The following STEAP2 variants were observed in gnomAD, a reference collection of about 807,000 sequenced individuals.
The protein encoded by STEAP2 is STEAP2 metalloreductase.
A neutral mutation model predicts 46.4 loss-of-function variants in STEAP2; 30 were observed. That is an observed-to-expected ratio of 0.65 (90% confidence interval 0.48 to 0.88). The LOEUF (loss-of-function observed/expected upper bound fraction) is 0.88. Ranked by LOEUF, STEAP2 falls within the 40% of genes least tolerant of loss-of-function variation. The probability of loss-of-function intolerance (pLI) is 0.00; values close to 1 mark genes in which losing one functional copy is unlikely to be tolerated. For missense variants in STEAP2, 513 were observed against 579.3 expected, an observed-to-expected ratio of 0.89 and a Z score of 1.18; for synonymous variants, 180 against 200.5, an observed-to-expected ratio of 0.90 and a Z score of 0.86.
intron 3 of STEAP2, among the ~76,000 whole-genome samples, chr7:90,226,751 T>C (rs1020289284): frequency 2.0e-5 from 3 of 152,146 alleles, no homozygotes; most frequent in African/African-American, 4.8e-5. Flanking sequence ...CCATTAGTAA[T>C]AGTAGCTCAC....
In STEAP2 at chr7:90,233,755, A is replaced by C. The variant is rs1584252246; in HGVS notation, c.*1131A>C. 2.0e-6 allele frequency: 2 copies of C among 985,368 alleles called. No homozygotes were observed. Among genetic ancestry groups the C allele is most frequent in the African/African-American group, 1.7e-5 (1 of 57,352 alleles). 61.0% of individuals were successfully genotyped at this position (985,368 alleles called of 1,614,324 possible). ...TATTCCAGAGGCCACGGTTTTAACC[A>C]CTAGGCTCTAGAGCTCCCGCCGCGC... On this transcript the variant is annotated 3_prime_UTR_variant, in exon 6 of 6. Coordinates refer to ENST00000394621, the MANE Select transcript of STEAP2 (RefSeq NM_001244944.2).
chr7:90,228,431 C>T (rs929447628), intron 4 of STEAP2, among the ~76,000 whole-genome samples: 3 of 151,378 alleles, frequency 2.0e-5, no homozygotes, highest in Middle Eastern at 3.4e-3. Context: ...TAATGGGATA[C>T]TAAGGCTTTT....
At position 90,236,272 on chromosome 7, in the gene STEAP2, ATATT is replaced by A. The variant is rs1795958492; in HGVS notation, c.*3655_*3658del. ...AAAGTATCATAAATGTAATAAGTAA[ATATT>A]TATTTAGGAATACTGTGAACACTGA... is the stretch of plus-strand genomic sequence containing the variant. On this transcript the variant is annotated 3_prime_UTR_variant, in exon 6 of 6. Coordinates refer to ENST00000394621, the MANE Select transcript of STEAP2 (RefSeq NM_001244944.2). 1 of 933,328 alleles carries A rather than the reference ATATT, an allele frequency of 1.1e-6. No homozygotes were observed. 57.8% of individuals were successfully genotyped at this position (933,328 alleles called of 1,614,324 possible). A position where few individuals can be genotyped will look rare whatever the true frequency, so the allele number is the denominator to read the frequency against.
intron 1 of STEAP2, among the ~76,000 whole-genome samples, chr7:90,214,016 C>T (rs1035459993): frequency 2.0e-5 from 3 of 151,996 alleles, no homozygotes; most frequent in African/African-American, 7.3e-5. Flanking sequence ...ACAAGGAGCA[C>T]CGATTTTAAG....
chr7:90,237,196 A>C lies in STEAP2; in HGVS notation c.*4572A>C. Reference sequence around the variant, plus strand: ...ATTAGAGACCAGAAAGACCTTGACTACTTCCCTACTTCCACTGCTTTTTCC... The same window carrying C: ...ATTAGAGACCAGAAAGACCTTGACTCCTTCCCTACTTCCACTGCTTTTTCC... On this transcript the variant is annotated 3_prime_UTR_variant, in exon 6 of 6. Coordinates refer to ENST00000394621, the MANE Select transcript of STEAP2 (RefSeq NM_001244944.2). 1 of 423,548 alleles carries C rather than the reference A, an allele frequency of 2.4e-6. No homozygotes were observed. The highest frequency in any genetic ancestry group is 6.2e-5 in the South Asian group (1 of 16,134). The allele number at this position is 423,548 out of a possible 1,614,324, so 26.2% of individuals were successfully genotyped here. A position where few individuals can be genotyped will look rare whatever the true frequency, so the allele number is the denominator to read the frequency against.
Position 90,232,807 on chromosome 7 carries a change from A to G in STEAP2, c.*183A>G, listed in dbSNP as rs776233453. ...ATTTTCACAAATGTCATGTTTGCCA[A>G]TATGAATTTTTCTAGTCAACATATT... On this transcript the variant is annotated 3_prime_UTR_variant, in exon 6 of 6. Coordinates refer to ENST00000394621, the MANE Select transcript of STEAP2 (RefSeq NM_001244944.2). The G allele has an allele frequency of 7.7e-7, 1 of 1,301,352 alleles. No individual in the cohort carries two copies. The highest frequency in any genetic ancestry group is 9.8e-7 in the Non-Finnish European group (1 of 1,024,484). The allele number at this position is 1,301,352 out of a possible 1,614,324, so 80.6% of individuals were successfully genotyped here. A position where few individuals can be genotyped will look rare whatever the true frequency, so the allele number is the denominator to read the frequency against.
rs892310309 is a variant in STEAP2 at position 90,225,510 on chromosome 7, T to C, written c.428T>C (p.Val143Ala). 5 of 1,613,600 alleles carry C rather than the reference T, an allele frequency of 3.1e-6. No individual in the cohort carries two copies. The African/African-American group carries it at 6.7e-5, about 22-fold the overall frequency. The change falls in exon 3 of 6, where the codon GTC becomes GCC. Residue 143 changes from valine to alanine, a missense_variant. By Grantham distance (64) the Val-to-Ala change is moderately conservative. Coordinates refer to ENST00000394621, the MANE Select transcript of STEAP2 (RefSeq NM_001244944.2). ...TCATTATTCCCAGATTCTTTGATTG[T>C]CAAAGGATTTAATGTTGTCTCAGCT... ...LASLFPDSLI[V>A]KGFNVVSAWA...
At chr7:90,240,237 C>T (rs897170363), downstream of STEAP2, among the ~76,000 whole-genome samples, 38 of 151,354 alleles carry the variant, frequency 2.5e-4, no homozygotes, top group Admixed American at 7.2e-4. This position sits in a 1 kb window ranked among gnomAD's most constrained non-coding sequence, Gnocchi z 4.1. Context: ...GCAGAGATCA[C>T]GCCACTGCAC....
At chr7:90,242,163 G>A (rs1796071350), downstream of STEAP2, among the ~76,000 whole-genome samples, 1 of 152,170 alleles carries the variant, frequency 6.6e-6, no homozygotes, top group African/African-American at 2.4e-5. Context: ...CACTGAGGAG[G>A]GAAAGTCAGG....
chr7:90,237,020 C>CT lies in STEAP2; in HGVS notation c.*4397dup, dbSNP rs1795985309. 1 of 1,550,226 alleles carries CT rather than the reference C, an allele frequency of 6.5e-7. No individual in the cohort carries two copies. Among genetic ancestry groups the CT allele is most frequent in the Non-Finnish European group, 8.9e-7 (1 of 1,125,492 alleles). On this transcript the variant is annotated 3_prime_UTR_variant, in exon 6 of 6. Coordinates refer to ENST00000394621, the MANE Select transcript of STEAP2 (RefSeq NM_001244944.2). Reference sequence around the variant, plus strand: ...TCCTTGCAGTTAGGTGTACATGTGACTGAGTGTTGGCCAGTGAGATGAAGT... The same window carrying CT: ...TCCTTGCAGTTAGGTGTACATGTGACTTGAGTGTTGGCCAGTGAGATGAAGT...
In STEAP2 at chr7:90,234,313, AG is replaced by A. The variant is rs1795876908; in HGVS notation, c.*1690del. 1.0e-6 allele frequency: 1 copy of A among 985,116 alleles called. No homozygotes were observed. The highest frequency in any genetic ancestry group is 6.2e-5 in the Admixed American group (1 of 16,252). The allele number at this position is 985,116 out of a possible 1,614,324, so 61.0% of individuals were successfully genotyped here. A position where few individuals can be genotyped will look rare whatever the true frequency, so the allele number is the denominator to read the frequency against. ...CAATTTGCTATTTCCTTATTAAAATAGAAAATTATAGGCAAGATACAATTAT... is the reference window on the plus strand; with the variant it reads ...CAATTTGCTATTTCCTTATTAAAATAAAAATTATAGGCAAGATACAATTAT... On this transcript the variant is annotated 3_prime_UTR_variant, in exon 6 of 6. Transcript: ENST00000394621.
chr7:90,227,844 T>C (rs1455211148), intron 4 of STEAP2, among the ~76,000 whole-genome samples: 3 of 152,280 alleles, frequency 2.0e-5, no homozygotes, highest in African/African-American at 7.2e-5. Flanking sequence ...CACAAAATGA[T>C]GAGGCAATTC....
At chr7:90,221,508 A>T (rs1159337677) in intron 2 of STEAP2, among the ~76,000 whole-genome samples, 1 of 151,922 alleles carries the variant, frequency 6.6e-6, no homozygotes, top group Non-Finnish European at 1.5e-5. Context: ...ATGTGTTTTT[A>T]TATGTTAGAT....
At chr7:90,231,954 G>A (rs754241462) in intron 5 of STEAP2, among the ~76,000 whole-genome samples, 1 of 152,000 alleles carries the variant, frequency 6.6e-6, no homozygotes, top group Non-Finnish European at 1.5e-5. Context: ...GTTGGAAACA[G>A]TGAATTATCA....
At chr7:90,238,068 G>C (rs1796012503), downstream of STEAP2, 1 of 717,174 alleles carries the variant, frequency 1.4e-6, no homozygotes, top group African/African-American at 1.7e-5. Flanking sequence ...ACATCCTCTT[G>C]CCTCTTCCTC....
chr7:90,234,793 T>A lies in STEAP2; in HGVS notation c.*2169T>A. On this transcript the variant is annotated 3_prime_UTR_variant, in exon 6 of 6. Coordinates refer to ENST00000394621, the MANE Select transcript of STEAP2 (RefSeq NM_001244944.2). ...TGGTCTCGATCTCCTGACCTCGTGA[T>A]CCGCCCGCCTTGGCCTCCAAAGTGC... is the stretch of plus-strand genomic sequence containing the variant. 1.3e-6 allele frequency: 1 copy of A among 787,770 alleles called. No individual in the cohort carries two copies. Among genetic ancestry groups the A allele is most frequent in the Non-Finnish European group, 1.5e-6 (1 of 649,986 alleles). 48.8% of individuals were successfully genotyped at this position (787,770 alleles called of 1,614,324 possible). A position where few individuals can be genotyped will look rare whatever the true frequency, so the allele number is the denominator to read the frequency against.
At position 90,235,923 on chromosome 7, in the gene STEAP2, A is replaced by C. The variant is rs1320399501; in HGVS notation, c.*3299A>C. On this transcript the variant is annotated 3_prime_UTR_variant, in exon 6 of 6. Transcript: ENST00000394621. Reference sequence around the variant, plus strand: ...ACATACAGGTTGGCTAATGAGCTCTAGTGTTAAACTACCTGATTAATTTCT... The same window carrying C: ...ACATACAGGTTGGCTAATGAGCTCTCGTGTTAAACTACCTGATTAATTTCT... 2.0e-6 allele frequency: 2 copies of C among 981,608 alleles called. No homozygotes were observed. The highest frequency in any genetic ancestry group is 2.4e-6 in the Non-Finnish European group (2 of 826,594). The allele number at this position is 981,608 out of a possible 1,614,324, so 60.8% of individuals were successfully genotyped here. A position where few individuals can be genotyped will look rare whatever the true frequency, so the allele number is the denominator to read the frequency against.
At chr7:90,217,758 A>G (rs2116171530) in intron 2 of STEAP2, among the ~76,000 whole-genome samples, 1 of 148,642 alleles carries the variant, frequency 6.7e-6, no homozygotes, top group African/African-American at 2.5e-5. Context: ...TTGATATACT[A>G]ATTTCTTTTC....
chr7:90,236,956 A>C lies in STEAP2; in HGVS notation c.*4332A>C. The C allele has an allele frequency of 6.2e-7, 1 of 1,613,996 alleles. No homozygotes were observed. The highest frequency in any genetic ancestry group is 8.5e-7 in the Non-Finnish European group (1 of 1,179,948). On this transcript the variant is annotated 3_prime_UTR_variant, in exon 6 of 6. Transcript: ENST00000394621. ...TGGAATTTGTCTTCCTATTGACTCT[A>C]CTTCTTTAAAAGCGGCTGCCCATTA... is the stretch of plus-strand genomic sequence containing the variant.
Sources: allele counts gnomAD v4.1 joint callset (sites outside exome capture counted in the v4.1 genomes callset), GRCh38; gene constraint gnomAD v4.1.1; non-coding constraint Gnocchi (gnomAD v3.1); transcripts MANE v1.5; gene names NCBI Gene and HGNC (gene_info 2026-07-23, HGNC 2026-07-21).